Variants in SNX25 observed in about 807,000 individuals in gnomAD.
SNX25 encodes the protein sorting nexin-25.
In SNX25, 62 loss-of-function variants were observed where a neutral mutation model predicts 113.7. That is an observed-to-expected ratio of 0.55 (90% CI 0.44 to 0.67). SNX25 has a LOEUF of 0.67. Among genes scored for constraint, SNX25 ranks in the 30% least tolerant of loss-of-function variants. The probability of loss-of-function intolerance (pLI) is 0.00; values close to 1 mark genes in which losing one functional copy is unlikely to be tolerated. For missense variants in SNX25, 1,014 were observed against 1,161.0 expected (o/e 0.87, Z 1.84); for synonymous variants, 421 against 436.2 (o/e 0.97, Z 0.43).
In SNX25 at chr4:185,370,042, A is replaced by T. The variant is rs558902711; in HGVS notation, c.*1297A>T. 1,108 of 175,786 alleles carry T rather than the reference A, an allele frequency of 6.3e-3. 13 individuals carry two copies. Among genetic ancestry groups the T allele is most frequent in the African/African-American group, 0.024 (1,004 of 41,784 alleles). 10.9% of individuals were successfully genotyped at this position (175,786 alleles called of 1,614,324 possible). On this transcript the variant is annotated 3_prime_UTR_variant and NMD_transcript_variant, in exon 12 of 12. Transcript: ENST00000504959. ...ACAGCTTTTTGGTTTTTCTTTTTTT[A>T]AAAAAAATCTAAACTTAAGAGTTAG...
At chr4:185,332,821 A>C in intron 10 of SNX25, 62 bp downstream of exon 10, 3 of 1,533,226 alleles carry the variant, frequency 2.0e-6, no homozygotes, top group Non-Finnish European at 2.7e-6. Flanking sequence ...GGTAGTTTTC[A>C]GTTGAGGTTG....
chr4:185,312,672 G>A (rs1056016895), intron 7 of SNX25, among the ~76,000 whole-genome samples: 4 of 151,884 alleles, frequency 2.6e-5, no homozygotes, highest in East Asian at 1.9e-4. Context: ...ACAGACGCCC[G>A]CCACCACACC....
intron 6 of SNX25, among the ~76,000 whole-genome samples, chr4:185,305,096 G>A (rs755181634): frequency 6.6e-6 from 1 of 152,118 alleles, no homozygotes; most frequent in African/African-American, 2.4e-5. Flanking sequence ...GTAGGAGGTG[G>A]CAGTTTTGCT....
intron 1 of SNX25, among the ~76,000 whole-genome samples, chr4:185,213,482 T>TG (rs1248905650): frequency 3.3e-5 from 5 of 152,202 alleles, no homozygotes; most frequent in African/African-American, 7.2e-5. Context: ...TAGAAAAACT[T>TG]GGACTCTTGT....
At chr4:185,291,940 G>A (rs1245699016) in intron 6 of SNX25, among the ~76,000 whole-genome samples, 1 of 152,134 alleles carries the variant, frequency 6.6e-6, no homozygotes, top group African/African-American at 2.4e-5. Context: ...ATTATAACTG[G>A]TAAGTTCAAG....
chr4:185,339,274 C>G (rs180724006), intron 10 of SNX25, 105 bp from the exon 11 acceptor site: 1 of 1,065,996 alleles, frequency 9.4e-7, no homozygotes, highest in African/African-American at 1.6e-5. Flanking sequence ...GTTAGTGTAT[C>G]GAAACACAGC....
rs753059860 is a variant in SNX25 at position 185,357,622 on chromosome 4, A to C, written c.2585-49A>C. 2.7e-6 allele frequency: 4 copies of C among 1,457,758 alleles called. No homozygotes were observed. In the East Asian group the frequency reaches 9.1e-5, roughly 33 times the overall value. The allele number at this position is 1,457,758 out of a possible 1,614,324, so 90.3% of individuals were successfully genotyped here. ...CTTTGTACAGCTATGAAAATGTCCCAAATTGTGATGCCCTGTGATAAAAAG... is the reference window on the plus strand; with the variant it reads ...CTTTGTACAGCTATGAAAATGTCCCCAATTGTGATGCCCTGTGATAAAAAG... On this transcript the variant is annotated intron_variant, in intron 15 of 18. Transcript: ENST00000652585.
chr4:185,306,484 T>C lies in SNX25; in HGVS notation c.1163-4151T>C, dbSNP rs1210108475. ...AGGGAAGGGTTATTCTCTTTCTTAC[T>C]TCTCTTTGGAATTTTCTTCTAGGTT... is the stretch of plus-strand genomic sequence containing the variant. On this transcript the variant is annotated intron_variant, in intron 6 of 18. Transcript: ENST00000652585. 8.5e-5 allele frequency among the ~76,000 whole-genome samples: 13 copies of C among 152,256 alleles called. 1 individual carries two copies. The highest frequency in any genetic ancestry group is 8.5e-4 in the Admixed American group (13 of 15,288).
chr4:185,243,264 ATGT>A (rs764483225), intron 1 of SNX25, among the ~76,000 whole-genome samples: 27 of 152,310 alleles, frequency 1.8e-4, no homozygotes, highest in African/African-American at 6.5e-4. Context: ...TGCATTTATA[ATGT>A]TGTGCAACCA....
At chr4:185,272,050 G>C (rs899887392) in intron 5 of SNX25, among the ~76,000 whole-genome samples, 1 of 152,146 alleles carries the variant, frequency 6.6e-6, no homozygotes, top group African/African-American at 2.4e-5. Flanking sequence ...TTCTTTTCTG[G>C]ATGCAGGATG....
intron 6 of SNX25, among the ~76,000 whole-genome samples, chr4:185,294,803 T>C (rs1231930004): frequency 1.3e-5 from 2 of 152,128 alleles, no homozygotes; most frequent in Non-Finnish European, 2.9e-5. Context: ...AATTAAGTTA[T>C]AATTTAAGTA....
intron 9 of SNX25, among the ~76,000 whole-genome samples, chr4:185,326,037 C>G (rs2095155083): frequency 6.6e-6 from 1 of 152,134 alleles, no homozygotes; most frequent in African/African-American, 2.4e-5. Context: ...AACTATATTG[C>G]CATAACTTAA....
chr4:185,361,125 A>G (rs920346152), intron 16 of SNX25, among the ~76,000 whole-genome samples: 1 of 152,236 alleles, frequency 6.6e-6, no homozygotes, highest in East Asian at 1.9e-4. Flanking sequence ...TCCTTGCCTC[A>G]TGGGCATATG....
chr4:185,341,419 C>G (rs1047876015), intron 11 of SNX25, among the ~76,000 whole-genome samples: 1 of 152,296 alleles, frequency 6.6e-6, no homozygotes, highest in Non-Finnish European at 1.5e-5. Flanking sequence ...CAAAGTAACA[C>G]AGGATGAGCC....
chr4:185,339,503 G>A lies in SNX25; in HGVS notation c.2039G>A (p.Ser680Asn), dbSNP rs763241832. ...NLGMWKASIT[S>N]GEVTEENGEQ... is the part of the protein sequence containing the mutation. ...GGCATGTGGAAAGCCTCCATCACCAGTGGAGAGGTAGTTTTGACTGCTTTT... is the reference window on the plus strand; with the variant it reads ...GGCATGTGGAAAGCCTCCATCACCAATGGAGAGGTAGTTTTGACTGCTTTT... The change falls in exon 11 of 19, where the codon AGT becomes AAT. Residue 680 changes from serine to asparagine, a missense_variant. By Grantham distance (46) the Ser-to-Asn change is conservative. Coordinates refer to ENST00000652585, the MANE Select transcript of SNX25 (RefSeq NM_001378034.2). 15 of 1,610,896 alleles carry A rather than the reference G, an allele frequency of 9.3e-6. No individual in the cohort carries two copies. In the South Asian group the frequency reaches 1.7e-4, roughly 18 times the overall value.
intron 7 of SNX25, among the ~76,000 whole-genome samples, chr4:185,312,578 A>G (rs577424820): frequency 2.6e-4 from 39 of 148,032 alleles, no homozygotes; most frequent in African/African-American, 9.5e-4. Flanking sequence ...GCTGGCATGC[A>G]TTGGCGCGAT....
Position 185,209,968 on chromosome 4 carries a change from G to A in SNX25, c.142G>A (p.Ala48Thr). The A allele has an allele frequency of 1.2e-5, 12 of 983,552 alleles. No homozygotes were observed. The highest frequency in any genetic ancestry group is 1.4e-5 in the Non-Finnish European group (12 of 829,120). The allele number at this position is 983,552 out of a possible 1,614,324, so 60.9% of individuals were successfully genotyped here. ...PGDAEAAAAA[A>T]PGAPGGRSWW... ...GGACGCGGAGGCAGCAGCAGCGGCG[G>A]CGCCGGGGGCCCCGGGCGGCCGGAG... The change falls in exon 1 of 19, where the codon GCG (alanine) becomes ACG (threonine). Residue 48 changes from alanine (A) to threonine (T), a missense_variant. Transcript: ENST00000652585. The surrounding 1 kb of genome is among the most constrained non-coding windows in gnomAD (Gnocchi z 5.2).
the SNX25 span, chr4:185,377,995 CAT>C: frequency 9.2e-7 from 1 of 1,091,546 alleles, no homozygotes. Flanking sequence ...CAATAAAACA[CAT>C]TATTTCTTGT....
intron 7 of SNX25, among the ~76,000 whole-genome samples, chr4:185,313,843 C>G (rs1018275030): frequency 1.4e-4 from 21 of 152,182 alleles, no homozygotes; most frequent in Non-Finnish European, 3.1e-4. Context: ...TCAGTTAACA[C>G]AGATCTTGTA....
Sources: allele counts gnomAD v4.1 joint callset (sites outside exome capture counted in the v4.1 genomes callset), GRCh38; gene constraint gnomAD v4.1.1; non-coding constraint Gnocchi (gnomAD v3.1); transcripts MANE v1.5; gene names NCBI Gene and HGNC (gene_info 2026-07-23, HGNC 2026-07-21).